The following ACSS3 variants were observed in gnomAD, a reference collection of about 807,000 sequenced individuals.
The protein encoded by ACSS3 is acyl-CoA synthetase short-chain family member 3, mitochondrial.
In ACSS3, 64 loss-of-function variants were observed where a neutral mutation model predicts 84.2. The observed-to-expected ratio is 0.76, with a 90% CI of 0.62 to 0.94. The LOEUF is 0.94. ACSS3 is among the 40% of genes least tolerant of loss of function. ACSS3 has a pLI of 0.00. For synonymous variants in ACSS3, 317 were observed against 310.1 expected (o/e 1.02, Z -0.23); for missense variants, 815 against 867.6 (o/e 0.94, Z 0.76).
At chr12:81,168,068 A>C (rs759729321) in intron 7 of ACSS3, among the ~76,000 whole-genome samples, 1 of 152,242 alleles carries the variant, frequency 6.6e-6, no homozygotes, top group African/African-American at 2.4e-5. Flanking sequence ...GATTAAAGTA[A>C]TGGGGAGTGG....
intron 2 of ACSS3, among the ~76,000 whole-genome samples, chr12:81,129,880 G>A (rs988995790): frequency 6.7e-6 from 1 of 150,358 alleles, no homozygotes; most frequent in Non-Finnish European, 1.5e-5. Context: ...GTGGTGTTTG[G>A]TTTTCTGTCC....
intron 1 of ACSS3, among the ~76,000 whole-genome samples, chr12:81,086,602 G>T (rs868848918): frequency 5.9e-5 from 9 of 152,248 alleles, no homozygotes; most frequent in South Asian, 4.2e-4. Context: ...GGTGTTGGGG[G>T]AAAATCCACA....
intron 9 of ACSS3, 22 bp downstream of exon 9, chr12:81,199,466 A>G (rs188773159): frequency 3.8e-6 from 6 of 1,593,950 alleles, no homozygotes; most frequent in Non-Finnish European, 3.4e-6. Flanking sequence ...CCTAGCATGT[A>G]CATAAATAGT....
At chr12:81,233,923 T>G (rs939594415) in intron 13 of ACSS3, among the ~76,000 whole-genome samples, 1 of 151,584 alleles carries the variant, frequency 6.6e-6, no homozygotes, top group African/African-American at 2.4e-5. Flanking sequence ...AAAAACTTAT[T>G]CCTATGGAGT....
At chr12:81,206,302 C>A (rs978346637) in intron 9 of ACSS3, among the ~76,000 whole-genome samples, 1 of 152,006 alleles carries the variant, frequency 6.6e-6, no homozygotes, top group Non-Finnish European at 1.5e-5. Context: ...AACTGTAGAA[C>A]TCAAAGAGTT....
intron 7 of ACSS3, among the ~76,000 whole-genome samples, chr12:81,154,202 G>A (rs1002149188): frequency 6.6e-6 from 1 of 152,142 alleles, no homozygotes; most frequent in African/African-American, 2.4e-5. Flanking sequence ...TTGTGGCATT[G>A]CTTACATAAA....
At chr12:81,206,017 A>G (rs1442656867) in intron 9 of ACSS3, among the ~76,000 whole-genome samples, 1 of 152,070 alleles carries the variant, frequency 6.6e-6, no homozygotes, top group African/African-American at 2.4e-5. Context: ...TGGTGACTTG[A>G]GGACTCCATC....
chr12:81,148,517 C>T (rs1450948595), intron 5 of ACSS3, among the ~76,000 whole-genome samples: 1 of 152,078 alleles, frequency 6.6e-6, no homozygotes, highest in African/African-American at 2.4e-5. Flanking sequence ...TTGTATTTGT[C>T]CCCCACTCCC....
chr12:81,242,282 C>T (rs899284135), intron 13 of ACSS3, among the ~76,000 whole-genome samples: 6 of 152,286 alleles, frequency 3.9e-5, no homozygotes, highest in African/African-American at 1.2e-4. Context: ...TTCCTCGACA[C>T]ATACACTCTC....
At chr12:81,121,019 TAA>T (rs1475383449) in intron 2 of ACSS3, among the ~76,000 whole-genome samples, 1 of 152,224 alleles carries the variant, frequency 6.6e-6, no homozygotes, top group Non-Finnish European at 1.5e-5. Flanking sequence ...TTCTTCTCTT[TAA>T]ATGTGTACAG....
intron 8 of ACSS3, among the ~76,000 whole-genome samples, chr12:81,188,896 A>G (rs527871761): frequency 6.6e-6 from 1 of 152,266 alleles, no homozygotes; most frequent in South Asian, 2.1e-4. Context: ...TAACACATAC[A>G]TTACCTCACA....
chr12:81,158,518 C>T (rs905648185), intron 7 of ACSS3: 3 of 153,998 alleles, frequency 1.9e-5, no homozygotes, highest in African/African-American at 7.2e-5. Context: ...TCTCTACTTG[C>T]CAAAGTCAAT....
At chr12:81,078,497 C>T (rs1188153295) in intron 1 of ACSS3, 66 bp downstream of exon 1, 5 of 1,544,590 alleles carry the variant, frequency 3.2e-6, no homozygotes, top group Non-Finnish European at 4.4e-6. Context: ...CAGGACCTCC[C>T]TGGGACCTGG....
At chr12:81,188,475 TC>T (rs1279687008) in intron 8 of ACSS3, among the ~76,000 whole-genome samples, 5 of 152,200 alleles carry the variant, frequency 3.3e-5, no homozygotes, top group Non-Finnish European at 4.4e-5. Flanking sequence ...ATAGCACATA[TC>T]CTGCATCGCA....
intron 7 of ACSS3, among the ~76,000 whole-genome samples, chr12:81,167,349 A>G (rs902191654): frequency 2.0e-5 from 3 of 152,202 alleles, no homozygotes; most frequent in African/African-American, 7.2e-5. Flanking sequence ...GATCTAGACC[A>G]TTTAGGATAC....
chr12:81,133,326 A>T (rs1283815597), intron 2 of ACSS3, among the ~76,000 whole-genome samples: 1 of 152,142 alleles, frequency 6.6e-6, no homozygotes. Context: ...TCCTCTGTTC[A>T]TTGTGTTGGA....
intron 11 of ACSS3, among the ~76,000 whole-genome samples, chr12:81,223,018 T>A (rs2033160750): frequency 1.3e-5 from 2 of 152,040 alleles, no homozygotes; most frequent in Admixed American, 1.3e-4. Flanking sequence ...ATTCGTGTAA[T>A]TGCATCCAGA....
Position 81,256,207 on chromosome 12 carries a change from G to A in ACSS3, c.*1285G>A, listed in dbSNP as rs1208872327. On this transcript the variant is annotated 3_prime_UTR_variant, in exon 16 of 16. Transcript: ENST00000548058. ...CAGAATATGGCCCAAAAAGGAGGCAGGTCTCCTGTTGCAAGAGCCTCTGTT... is the reference window on the plus strand; with the variant it reads ...CAGAATATGGCCCAAAAAGGAGGCAAGTCTCCTGTTGCAAGAGCCTCTGTT... 6.6e-6 allele frequency: 1 copy of A among 152,076 alleles called. No individual in the cohort carries two copies. The highest frequency in any genetic ancestry group is 1.5e-5 in the Non-Finnish European group (1 of 68,006). 9.4% of individuals were successfully genotyped at this position (152,076 alleles called of 1,614,324 possible).
intron 7 of ACSS3, among the ~76,000 whole-genome samples, chr12:81,156,365 T>C (rs928745394): frequency 1.3e-5 from 2 of 151,452 alleles, no homozygotes; most frequent in Non-Finnish European, 2.9e-5. Context: ...AGGAAAACTC[T>C]CAAATCAAGA....
Sources: allele counts gnomAD v4.1 joint callset (sites outside exome capture counted in the v4.1 genomes callset), GRCh38; gene constraint gnomAD v4.1.1; transcripts MANE v1.5; gene names NCBI Gene and HGNC (gene_info 2026-07-23, HGNC 2026-07-21).